The following FBXL17 variants were observed in gnomAD, a reference collection of about 807,000 sequenced individuals.
The protein encoded by FBXL17 is F-box/LRR-repeat protein 17.
In FBXL17, 22 loss-of-function variants were observed where a neutral mutation model predicts 66.2. That is an observed-to-expected ratio of 0.33 (90% CI 0.24 to 0.47). The LOEUF is 0.47. Ranked by LOEUF, FBXL17 falls within the 20% of genes least tolerant of loss-of-function variation. FBXL17 has a pLI of 1.00. For missense variants in FBXL17, 878 were observed against 948.2 expected (o/e 0.93, Z 0.97); for synonymous variants, 474 against 400.5 (o/e 1.18, Z -2.19).
intron 6 of FBXL17, among the ~76,000 whole-genome samples, chr5:108,080,830 G>A (rs1043799315): frequency 2.0e-5 from 3 of 152,134 alleles, no homozygotes; most frequent in Non-Finnish European, 2.9e-5. Context: ...TGGGGACCAA[G>A]GTTCTTATTA....
intron 5 of FBXL17, among the ~76,000 whole-genome samples, chr5:108,213,416 C>T (rs1030185828): frequency 3.3e-5 from 5 of 152,186 alleles, no homozygotes; most frequent in African/African-American, 1.2e-4. Context: ...AACCCAGAGC[C>T]CTGGTGGCAT....
chr5:108,121,853 G>A (rs1357081519), intron 6 of FBXL17, among the ~76,000 whole-genome samples: 7 of 152,046 alleles, frequency 4.6e-5, no homozygotes, highest in Middle Eastern at 3.4e-3. Context: ...CACCGCGCTC[G>A]GCCCAAAAAT....
At chr5:107,871,075 A>AACAAAAAC (rs1561511925) in intron 8 of FBXL17, among the ~76,000 whole-genome samples, 29 of 146,100 alleles carry the variant, frequency 2.0e-4, no homozygotes, top group Middle Eastern at 3.5e-3. Flanking sequence ...AAAAAAAAAA[A>AACAAAAAC]AAAACCTCAT....
At chr5:108,180,773 C>T (rs1174235912) in intron 6 of FBXL17, among the ~76,000 whole-genome samples, 4 of 151,874 alleles carry the variant, frequency 2.6e-5, no homozygotes, top group Admixed American at 2.0e-4. Flanking sequence ...CTTTAGCTAC[C>T]GGATGTTAGA....
intron 6 of FBXL17, among the ~76,000 whole-genome samples, chr5:108,088,531 C>T (rs1161186779): frequency 6.6e-6 from 1 of 151,758 alleles, no homozygotes; most frequent in Non-Finnish European, 1.5e-5. Context: ...AAAACCCCAT[C>T]TCTACTAAAA....
At chr5:108,299,214 CAT>C in intron 4 of FBXL17, 2 of 984,996 alleles carry the variant, frequency 2.0e-6, no homozygotes, top group Non-Finnish European at 2.4e-6. Flanking sequence ...ACCTTTATGA[CAT>C]ACATACAGGA....
intron 7 of FBXL17, among the ~76,000 whole-genome samples, chr5:107,985,899 C>T (rs536388284): frequency 7.9e-5 from 12 of 152,232 alleles, no homozygotes; most frequent in African/African-American, 2.9e-4. Flanking sequence ...ACAAGTTTAG[C>T]TGTCTATTGG....
intron 7 of FBXL17, among the ~76,000 whole-genome samples, chr5:107,887,271 T>C (rs949427352): frequency 2.6e-5 from 4 of 152,216 alleles, no homozygotes; most frequent in Admixed American, 6.5e-5. Context: ...ATGAATTAAG[T>C]AGAGGACTAC....
chr5:108,175,670 T>C (rs1311660995), intron 6 of FBXL17, among the ~76,000 whole-genome samples: 1 of 152,160 alleles, frequency 6.6e-6, no homozygotes, highest in African/African-American at 2.4e-5. Flanking sequence ...CACTTCCCTT[T>C]CCTAATCTCT....
At chr5:108,099,881 C>T (rs1749535649) in intron 6 of FBXL17, among the ~76,000 whole-genome samples, 1 of 152,206 alleles carries the variant, frequency 6.6e-6, no homozygotes, top group Non-Finnish European at 1.5e-5. Flanking sequence ...GTTTCCAACA[C>T]CATAATGGTA....
chr5:107,899,242 G>C (rs1158020986), intron 7 of FBXL17, among the ~76,000 whole-genome samples: 2 of 152,136 alleles, frequency 1.3e-5, no homozygotes, highest in Admixed American at 1.3e-4. Context: ...TTCATTGTAA[G>C]AACACAGTGT....
intron 5 of FBXL17, among the ~76,000 whole-genome samples, chr5:108,204,991 G>A (rs79563651): frequency 0.043 from 6,543 of 151,942 alleles, 770 homozygotes; most frequent in East Asian, 0.39. Context: ...ACTTACTGCA[G>A]ACTCTAACTC....
chr5:108,119,956 C>T (rs1027025567), intron 6 of FBXL17, among the ~76,000 whole-genome samples: 37 of 152,226 alleles, frequency 2.4e-4, no homozygotes, highest in African/African-American at 7.5e-4. Flanking sequence ...CAGGCCCTGG[C>T]ATTAGACTTG....
intron 7 of FBXL17, among the ~76,000 whole-genome samples, chr5:107,926,310 A>AT (rs1750522434): frequency 6.6e-6 from 1 of 152,132 alleles, no homozygotes; most frequent in African/African-American, 2.4e-5. Flanking sequence ...AATGATAGAG[A>AT]TGAGGAAGGG....
At chr5:108,081,584 G>A (rs1182754408) in intron 6 of FBXL17, among the ~76,000 whole-genome samples, 1 of 152,026 alleles carries the variant, frequency 6.6e-6, no homozygotes, top group African/African-American at 2.4e-5. Flanking sequence ...GTAGCCGGCC[G>A]TGGTGGCAGG....
intron 6 of FBXL17, among the ~76,000 whole-genome samples, chr5:108,158,181 A>G (rs1752067216): frequency 6.6e-6 from 1 of 152,168 alleles, no homozygotes; most frequent in South Asian, 2.1e-4. Flanking sequence ...CTATAAAACT[A>G]TTAAAATTAT....
At chr5:107,885,293 G>A (rs1580681376) in intron 7 of FBXL17, among the ~76,000 whole-genome samples, 1 of 152,144 alleles carries the variant, frequency 6.6e-6, no homozygotes, top group Non-Finnish European at 1.5e-5. Context: ...TGTTGATGAA[G>A]GGTATACACT....
chr5:107,978,210 G>T (rs1411857923), intron 7 of FBXL17, among the ~76,000 whole-genome samples: 4 of 152,262 alleles, frequency 2.6e-5, no homozygotes, highest in African/African-American at 9.6e-5. Context: ...CTTGCTTCTA[G>T]CCACACACGC....
In FBXL17 at chr5:107,878,154, A is replaced by G. The variant is rs988506005; in HGVS notation, c.1965+2883T>C. The stretch of plus-strand genomic sequence containing the variant: ...GTGTGTAGAAAGTGTAATTACTGAC[A>G]TATTTGTATAAAAAATAATCTTAAT... On this transcript the variant is annotated intron_variant, in intron 8 of 8. Coordinates refer to ENST00000542267, the MANE Select transcript of FBXL17 (RefSeq NM_001163315.3). The G allele has an allele frequency of 4.0e-6, 3 of 755,370 alleles. No individual in the cohort carries two copies. The South Asian group carries it at 1.8e-4, about 46-fold the overall frequency. 46.8% of individuals were successfully genotyped at this position (755,370 alleles called of 1,614,324 possible).
Sources: gnomAD v4.1 joint callset for allele counts (sites outside exome capture counted in the v4.1 genomes callset) on GRCh38, gnomAD v4.1.1 for gene constraint, MANE v1.5 for transcripts, NCBI Gene and HGNC (gene_info 2026-07-23, HGNC 2026-07-21) for gene names.